The following LAPTM4B variants were observed in gnomAD, a reference collection of about 807,000 sequenced individuals.
LAPTM4B encodes the protein lysosomal-associated transmembrane protein 4B.
In LAPTM4B, 26 loss-of-function variants were observed where a neutral mutation model predicts 28.5. That is an observed-to-expected ratio of 0.91 (90% confidence interval 0.67 to 1.27). LAPTM4B has a LOEUF of 1.27. Among genes scored for constraint, LAPTM4B ranks in the 50% most tolerant of loss-of-function variants. The pLI is 0.00. For missense variants in LAPTM4B, 288 were observed against 285.8 expected (o/e 1.01, Z -0.06); for synonymous variants, 109 against 106.4 (o/e 1.02, Z -0.15).
rs983124433 is a variant in LAPTM4B, at chr8:97,852,944, A to G, written c.*1470A>G. 1.7e-5 allele frequency: 8 copies of G among 484,828 alleles called. No homozygotes were observed. Among genetic ancestry groups the G allele is most frequent in the Admixed American group, 7.9e-5 (2 of 25,406 alleles). The allele number at this position is 484,828 out of a possible 1,614,324, so 30.0% of individuals were successfully genotyped here. ...GAATAAATTACCATTGGTGTGGGGG[A>G]AAAAAGCCAAACAGAAGTAGAAAAA... On this transcript the variant is annotated 3_prime_UTR_variant, in exon 7 of 7. Transcript: ENST00000521545.
At chr8:97,809,632 A>G (rs1048041582) in intron 2 of LAPTM4B, among the ~76,000 whole-genome samples, 2 of 152,178 alleles carry the variant, frequency 1.3e-5, no homozygotes, top group African/African-American at 2.4e-5. Flanking sequence ...CCTGGGTGGC[A>G]GAGGTTGCAG....
In LAPTM4B at chr8:97,811,421, GCAAT is replaced by G. The variant is rs546388446; in HGVS notation, c.212-3904_212-3901del. On this transcript the variant is annotated intron_variant, in intron 2 of 6. Transcript: ENST00000521545. Reference sequence around the variant, plus strand: ...CAATGGCAGAATGGGCAAAAATGAAGCAATCAGAGATGAAATGATATAAGCAAAA... The same window carrying G: ...CAATGGCAGAATGGGCAAAAATGAAGCAGAGATGAAATGATATAAGCAAAA... Among the ~76,000 whole-genome samples, 206 of 152,298 alleles carry G rather than the reference GCAAT, an allele frequency of 1.4e-3. 1 individual carries two copies. Among genetic ancestry groups the G allele is most frequent in the African/African-American group, 4.7e-3 (196 of 41,560 alleles).
chr8:97,834,422 G>A (rs1359483910), intron 6 of LAPTM4B, among the ~76,000 whole-genome samples: 1 of 152,140 alleles, frequency 6.6e-6, no homozygotes, highest in Non-Finnish European at 1.5e-5. Context: ...TTTCAAAGAA[G>A]AAAAATAAAC....
At chr8:97,786,629 G>T (rs1473899450) in intron 1 of LAPTM4B, among the ~76,000 whole-genome samples, 1 of 151,706 alleles carries the variant, frequency 6.6e-6, no homozygotes, top group Non-Finnish European at 1.5e-5. Flanking sequence ...AACCTGGGAG[G>T]CGGAGGTTGT....
chr8:97,826,577 C>T (rs964777619), intron 6 of LAPTM4B, among the ~76,000 whole-genome samples: 11 of 144,962 alleles, frequency 7.6e-5, no homozygotes, highest in Non-Finnish European at 1.7e-4. Flanking sequence ...GGTGTGATCT[C>T]GTCTCACTGC....
At chr8:97,841,666 T>A (rs1817351762) in intron 6 of LAPTM4B, among the ~76,000 whole-genome samples, 2 of 152,208 alleles carry the variant, frequency 1.3e-5, no homozygotes, top group South Asian at 4.1e-4. Context: ...TTCTGATTAT[T>A]CGATCCCAAA....
intron 2 of LAPTM4B, among the ~76,000 whole-genome samples, chr8:97,806,648 G>C (rs1276113596): frequency 1.3e-5 from 2 of 152,176 alleles, no homozygotes; most frequent in Non-Finnish European, 2.9e-5. Context: ...CCCAGGGGGA[G>C]GTAATTGAAT....
chr8:97,786,717 A>G (rs868532796), intron 1 of LAPTM4B, among the ~76,000 whole-genome samples: 1 of 150,172 alleles, frequency 6.7e-6, no homozygotes. Flanking sequence ...AAAAAAAAAA[A>G]CCATTAACCT....
Position 97,778,709 on chromosome 8 carries a change from C to A in LAPTM4B, c.99+2601C>A, listed in dbSNP as rs149918876. Among the ~76,000 whole-genome samples the A allele has an allele frequency of 3.9e-4, 60 of 152,190 alleles. 1 individual carries two copies. The East Asian group carries it at 8.9e-3, about 22-fold the overall frequency. The stretch of plus-strand genomic sequence containing the variant: ...TTCCTGTAACCATTTGTCCTTTTAA[C>A]TTTTTGCCTACTTTGTTTTAACTAG... On this transcript the variant is annotated intron_variant, in intron 1 of 6. Coordinates refer to ENST00000521545, the MANE Select transcript of LAPTM4B (RefSeq NM_018407.6).
chr8:97,829,362 A>G (rs1817143696), intron 6 of LAPTM4B, among the ~76,000 whole-genome samples: 1 of 152,174 alleles, frequency 6.6e-6, no homozygotes, highest in African/African-American at 2.4e-5. Context: ...TCTAGACAAA[A>G]GTTGCTACCA....
At chr8:97,797,239 A>T (rs1159587017) in intron 1 of LAPTM4B, among the ~76,000 whole-genome samples, 1 of 151,526 alleles carries the variant, frequency 6.6e-6, no homozygotes, top group African/African-American at 2.4e-5. Flanking sequence ...GGTTGAAGCG[A>T]TTCTCCTGCC....
chr8:97,817,250 A>G (rs1310109923), intron 4 of LAPTM4B, among the ~76,000 whole-genome samples: 5 of 151,398 alleles, frequency 3.3e-5, no homozygotes, highest in Non-Finnish European at 7.4e-5. Context: ...TCCCATCTCA[A>G]CCTCTTGAGT....
chr8:97,821,009 A>C (rs1203826063), intron 5 of LAPTM4B, among the ~76,000 whole-genome samples: 3 of 150,172 alleles, frequency 2.0e-5, no homozygotes, highest in African/African-American at 7.3e-5. Context: ...TTACAGGCAT[A>C]AGTCACCACA....
chr8:97,815,080 C>T (rs1175670555), intron 2 of LAPTM4B, among the ~76,000 whole-genome samples: 1 of 152,080 alleles, frequency 6.6e-6, no homozygotes, highest in Non-Finnish European at 1.5e-5. Flanking sequence ...AGAAGTTAGA[C>T]ACCTATATAT....
intron 6 of LAPTM4B, among the ~76,000 whole-genome samples, chr8:97,844,178 A>T (rs2129852925): frequency 6.6e-6 from 1 of 151,974 alleles, no homozygotes; most frequent in East Asian, 1.9e-4. Flanking sequence ...TGCAGCCTCA[A>T]CCCTCCAGGG....
intron 4 of LAPTM4B, 110 bp from the exon 5 acceptor site, chr8:97,819,030 C>A: frequency 1.5e-6 from 1 of 687,432 alleles, no homozygotes; most frequent in Non-Finnish European, 2.6e-6. Context: ...TAAATAATAG[C>A]TGTCTGCTTT....
intron 2 of LAPTM4B, among the ~76,000 whole-genome samples, chr8:97,814,339 C>G (rs567339311): frequency 6.6e-6 from 1 of 152,004 alleles, no homozygotes; most frequent in Non-Finnish European, 1.5e-5. Context: ...GTGAAACCCC[C>G]GTCTCTACTA....
chr8:97,814,185 T>C (rs7831627), intron 2 of LAPTM4B, among the ~76,000 whole-genome samples: 69,513 of 151,830 alleles, frequency 0.46, 16,287 homozygotes, highest in East Asian at 0.58. Flanking sequence ...CAAACAAGAC[T>C]CCTTATTTAC....
chr8:97,821,617 A>G (rs973482602), intron 5 of LAPTM4B, among the ~76,000 whole-genome samples: 2 of 151,758 alleles, frequency 1.3e-5, no homozygotes, highest in African/African-American at 2.4e-5. Flanking sequence ...GGTTTTGCAT[A>G]TGCTCTGCTA....
Sources: allele counts gnomAD v4.1 joint callset (sites outside exome capture counted in the v4.1 genomes callset), GRCh38; gene constraint gnomAD v4.1.1; transcripts MANE v1.5; gene names NCBI Gene and HGNC (gene_info 2026-07-23, HGNC 2026-07-21).